ATP13A2: variants seen among roughly 807,000 people sequenced by gnomAD.
ATP13A2 encodes the protein polyamine-transporting ATPase 13A2.
In ATP13A2, 83 loss-of-function variants were observed where a neutral mutation model predicts 138.3. The observed-to-expected ratio is 0.60, with a 90% confidence interval of 0.50 to 0.72. The LOEUF (loss-of-function observed/expected upper bound fraction) is 0.72, where lower values mean the gene tolerates loss of function less well. Ranked by LOEUF, ATP13A2 falls within the 30% of genes least tolerant of loss-of-function variation. The pLI is 0.00. For missense variants in ATP13A2, 1,402 were observed against 1,606.4 expected (o/e 0.87, Z 2.17); for synonymous variants, 663 against 699.0 (o/e 0.95, Z 0.81).
Position 16,990,110 on chromosome 1 carries a change from C to T in ATP13A2, c.2412+17G>A. ...GTCACTGGGTGAGGTACAGCTGGAACTCTGGGTTAGCCTCACCTTAACGCC... is the reference window on the plus strand; with the variant it reads ...GTCACTGGGTGAGGTACAGCTGGAATTCTGGGTTAGCCTCACCTTAACGCC... On this transcript the variant is annotated intron_variant, in intron 21 of 28. Coordinates refer to ENST00000326735, the MANE Select transcript of ATP13A2 (RefSeq NM_022089.4). 2 of 1,614,186 alleles carry T rather than the reference C, an allele frequency of 1.2e-6. No homozygotes were observed. Among genetic ancestry groups the T allele is most frequent in the Non-Finnish European group, 8.5e-7 (1 of 1,180,020 alleles).
chr1:17,002,465 C>A, intron 6 of ATP13A2, 92 bp from the exon 7 acceptor site: 1 of 1,416,100 alleles, frequency 7.1e-7, no homozygotes, highest in Admixed American at 2.0e-5. Flanking sequence ...GGGCTCTAGG[C>A]CCCCCATCCC....
intron 16 of ATP13A2, among the ~76,000 whole-genome samples, chr1:16,993,310 G>A (rs908719546): frequency 3.3e-5 from 5 of 152,064 alleles, no homozygotes; most frequent in Admixed American, 3.3e-4. Flanking sequence ...CGCCCTCCCG[G>A]GCTCAATTAA....
chr1:16,986,710 C>T lies in ATP13A2; in HGVS notation c.3236-78G>A. On this transcript the variant is annotated intron_variant, in intron 27 of 28. Coordinates refer to ENST00000326735, the MANE Select transcript of ATP13A2 (RefSeq NM_022089.4). The surrounding 1 kb of genome is among the most constrained non-coding windows in gnomAD (Gnocchi z 6.9). ...GACACACGTGTGCACGCCAGTCTTC[C>T]ACTCGGCCGGCACCTCTCTCCCATC... 6 of 1,568,902 alleles carry T rather than the reference C, an allele frequency of 3.8e-6. No homozygotes were observed. Among genetic ancestry groups the T allele is most frequent in the Non-Finnish European group, 5.2e-6 (6 of 1,161,778 alleles).
At chr1:16,999,535 C>T (rs542671671) in intron 11 of ATP13A2, among the ~76,000 whole-genome samples, 62 of 152,106 alleles carry the variant, frequency 4.1e-4, no homozygotes, top group Non-Finnish European at 8.4e-4. Context: ...AACTGAGGCA[C>T]GGAGATGATA....
rs1182557816 is a variant in ATP13A2, at chr1:17,001,183, C to T, written c.706-649G>A. Among the ~76,000 whole-genome samples the T allele has an allele frequency of 6.0e-5, 9 of 149,450 alleles. No homozygotes were observed. In the South Asian group the frequency reaches 6.3e-4, roughly 10 times the overall value. On this transcript the variant is annotated intron_variant, in intron 8 of 28. Transcript: ENST00000326735. ...CTATAATCCCAGCACTTTGCAAGGC[C>T]GAGGCAGGTGGGTCATCTGAGGTCA... is the stretch of plus-strand genomic sequence containing the variant.
Position 17,004,240 on chromosome 1 carries a change from G to T in ATP13A2, c.557+92C>A. On this transcript the variant is annotated intron_variant, in intron 6 of 28. Coordinates refer to ENST00000326735, the MANE Select transcript of ATP13A2 (RefSeq NM_022089.4). The surrounding 1 kb of genome is among the most constrained non-coding windows in gnomAD (Gnocchi z 4.1). ...CAGACAGCAAAAGCATCAGAGCTGA[G>T]AGGGGAGCCCAGGCCATGCCATGCC... The T allele has an allele frequency of 7.5e-7, 1 of 1,334,914 alleles. No homozygotes were observed. The highest frequency in any genetic ancestry group is 1.1e-6 in the Non-Finnish European group (1 of 947,764). 82.7% of individuals were successfully genotyped at this position (1,334,914 alleles called of 1,614,324 possible).
chr1:17,011,688 G>T lies in ATP13A2; in HGVS notation c.10+41C>A. Reference sequence around the variant, plus strand: ...GGGTGACGACAACTGGCGGGCCGGGGACCGCGCCGGGCTCGGGGCCGACCC... The same window carrying T: ...GGGTGACGACAACTGGCGGGCCGGGTACCGCGCCGGGCTCGGGGCCGACCC... On this transcript the variant is annotated intron_variant, in intron 1 of 28. Coordinates refer to ENST00000326735, the MANE Select transcript of ATP13A2 (RefSeq NM_022089.4). This position sits in a 1 kb window ranked among gnomAD's most constrained non-coding sequence, Gnocchi z 7.3. 2 of 1,482,658 alleles carry T rather than the reference G, an allele frequency of 1.3e-6. No individual in the cohort carries two copies. The highest frequency in any genetic ancestry group is 1.3e-5 in the South Asian group (1 of 78,694). 91.8% of individuals were successfully genotyped at this position (1,482,658 alleles called of 1,614,324 possible).
Position 17,004,486 on chromosome 1 carries a change from G to A in ATP13A2, c.478-75C>T, listed in dbSNP as rs567211663. 36 of 1,572,580 alleles carry A rather than the reference G, an allele frequency of 2.3e-5. 1 individual carries two copies. Among genetic ancestry groups the A allele is most frequent in the Middle Eastern group, 1.7e-4 (1 of 5,958 alleles). On this transcript the variant is annotated intron_variant, in intron 5 of 28. Coordinates refer to ENST00000326735, the MANE Select transcript of ATP13A2 (RefSeq NM_022089.4). The surrounding 1 kb of genome is among the most constrained non-coding windows in gnomAD (Gnocchi z 4.1). ...AAGCAGTGTGCTTATGCTGGGAGCC[G>A]AGGGATGGGGGTAGGGGGCAGGGAC... is the stretch of plus-strand genomic sequence containing the variant.
At chr1:16,990,592 A>C (rs1358251102) in intron 20 of ATP13A2, among the ~76,000 whole-genome samples, 1 of 151,776 alleles carries the variant, frequency 6.6e-6, no homozygotes, top group Non-Finnish European at 1.5e-5. Flanking sequence ...ATCTCGGCTC[A>C]CTGCAACCTC....
intron 8 of ATP13A2, chr1:17,000,738 T>G: frequency 1.5e-6 from 1 of 654,518 alleles, no homozygotes; most frequent in South Asian, 2.0e-5. Flanking sequence ...GGACAAGGGT[T>G]TATGACCAGC....
intron 1 of ATP13A2, among the ~76,000 whole-genome samples, chr1:17,008,024 C>T (rs528617925): frequency 1.3e-4 from 19 of 151,964 alleles, no homozygotes; most frequent in African/African-American, 3.9e-4. Flanking sequence ...CAGGTAACCT[C>T]GGTTGTGATG....
chr1:16,997,414 C>CGGGGGGGGGG (rs1379881479), intron 11 of ATP13A2, among the ~76,000 whole-genome samples: 20 of 56,458 alleles, frequency 3.5e-4, no homozygotes, highest in Admixed American at 3.8e-4. Context: ...CTGGAACCAG[C>CGGGGGGGGGG]GGGGGGGGGT....
chr1:16,990,313 G>A (rs369917224), intron 20 of ATP13A2, 26 bp from the exon 21 acceptor site: 1 of 1,613,282 alleles, frequency 6.2e-7, no homozygotes, highest in African/African-American at 1.3e-5. Flanking sequence ...CAAGGTGAGG[G>A]TCTGAGGCTA....
chr1:17,001,627 C>A (rs546505445), intron 8 of ATP13A2, among the ~76,000 whole-genome samples: 1 of 152,282 alleles, frequency 6.6e-6, no homozygotes, highest in Admixed American at 6.5e-5. Flanking sequence ...ATGTCACAGC[C>A]TCCAACTGAA....
Position 16,986,977 on chromosome 1 carries a change from G to T in ATP13A2, c.3084-21C>A, listed in dbSNP as rs368292341. ...CGAACCTGGGGGTACAGGGATGGGG[G>T]TCAGGGAACGAACGTGGGGTGGACA... is the stretch of plus-strand genomic sequence containing the variant. On this transcript the variant is annotated intron_variant, in intron 26 of 28. Transcript: ENST00000326735. This position sits in a 1 kb window ranked among gnomAD's most constrained non-coding sequence, Gnocchi z 6.9. 13 of 1,612,856 alleles carry T rather than the reference G, an allele frequency of 8.1e-6. No individual in the cohort carries two copies. In the African/African-American group the frequency reaches 1.5e-4, roughly 18 times the overall value.
intron 12 of ATP13A2, 148 bp downstream of exon 12, chr1:16,996,872 G>C (rs2077145477): frequency 2.1e-6 from 2 of 965,190 alleles, no homozygotes; most frequent in Admixed American, 2.4e-5. Context: ...GACCCCAGAT[G>C]GGGGGCAACT....
chr1:17,009,387 CTTTTTTTTTTTTTTTT>C (rs1161920218), intron 1 of ATP13A2, among the ~76,000 whole-genome samples: 1 of 116,502 alleles, frequency 8.6e-6, no homozygotes, highest in Non-Finnish European at 1.7e-5. Flanking sequence ...GAGCCTCTTC[CTTTTTTTTTTTTTTTT>C]TTTTTTTAAA....
At chr1:17,000,351 G>A (rs1311580574) in intron 9 of ATP13A2, 39 bp from the exon 10 acceptor site, 1 of 1,588,058 alleles carries the variant, frequency 6.3e-7, no homozygotes, top group Non-Finnish European at 8.6e-7. Context: ...GTGGGTGGGG[G>A]CCCCTGGGGA....
At chr1:16,998,052 TTGAGCACCTACTGTGTGCACATTCC>T (rs1239640080) in intron 11 of ATP13A2, among the ~76,000 whole-genome samples, 1 of 152,194 alleles carries the variant, frequency 6.6e-6, no homozygotes, top group African/African-American at 2.4e-5. Flanking sequence ...GCTGGGACTA[TTGAGCACCTACTGTGTGCACATTCC>T]TGCAAGGGAG....
Sources: gnomAD v4.1 joint callset for allele counts (sites outside exome capture counted in the v4.1 genomes callset) on GRCh38, gnomAD v4.1.1 for gene constraint, Gnocchi (gnomAD v3.1) non-coding constraint, MANE v1.5 for transcripts, NCBI Gene and HGNC (gene_info 2026-07-23, HGNC 2026-07-21) for gene names.